Variants in MINK1 observed in about 807,000 individuals in gnomAD.
The protein encoded by MINK1 is misshapen-like kinase 1.
MINK1 carries 46 observed loss-of-function variants against 178.4 expected under a neutral mutation model. That is an observed-to-expected ratio of 0.26 (90% CI 0.20 to 0.33). The LOEUF is 0.33. MINK1 is among the 10% of genes least tolerant of loss of function. MINK1 has a pLI of 1.00. For missense variants in MINK1, 1,366 were observed against 1,814.9 expected (o/e 0.75, Z 4.49); for synonymous variants, 797 against 709.7 (o/e 1.12, Z -1.96).
At chr17:4,850,904 A>G (rs1286305560) in intron 1 of MINK1, 3 of 397,794 alleles carry the variant, frequency 7.5e-6, no homozygotes, top group Non-Finnish European at 1.5e-5. Context: ...CGGGCCTGGC[A>G]TCTCCTTTCT....
At chr17:4,876,451 G>T (rs1967192568) in intron 1 of MINK1, among the ~76,000 whole-genome samples, 1 of 152,242 alleles carries the variant, frequency 6.6e-6, no homozygotes, top group South Asian at 2.1e-4. Flanking sequence ...AAAGTGCACA[G>T]TGAGGACATT....
chr17:4,834,619 A>AT (rs75828101), intron 1 of MINK1, among the ~76,000 whole-genome samples: 12,979 of 152,198 alleles, frequency 0.085, 557 homozygotes, highest in Non-Finnish European at 0.095. Flanking sequence ...TTTCTGTAGC[A>AT]TTTATGTTTT....
intron 1 of MINK1, among the ~76,000 whole-genome samples, chr17:4,874,534 G>C (rs1966997870): frequency 6.6e-6 from 1 of 152,198 alleles, no homozygotes; most frequent in Admixed American, 6.5e-5. Flanking sequence ...TTCCAGGAGG[G>C]AGGACATGAG....
chr17:4,863,996 T>C (rs985823128), intron 1 of MINK1, among the ~76,000 whole-genome samples: 6 of 151,254 alleles, frequency 4.0e-5, no homozygotes, highest in African/African-American at 1.5e-4. Flanking sequence ...ACCATGTTGG[T>C]CAGGCTGCTC....
At chr17:4,852,557 G>C (rs1174588404) in intron 1 of MINK1, among the ~76,000 whole-genome samples, 2 of 150,974 alleles carry the variant, frequency 1.3e-5, no homozygotes, top group East Asian at 4.0e-4. Context: ...AAGGAACAGA[G>C]AGAAAGCCAC....
At chr17:4,835,034 A>G (rs1909091565) in intron 1 of MINK1, among the ~76,000 whole-genome samples, 1 of 152,118 alleles carries the variant, frequency 6.6e-6, no homozygotes, top group Non-Finnish European at 1.5e-5. Context: ...TGCTGGAGAT[A>G]ACGTGATAAA....
rs372453685 is a variant in MINK1 at position 4,890,936 on chromosome 17, C to T, written c.1567-15C>T. On this transcript the variant is annotated splice_polypyrimidine_tract_variant and intron_variant, in intron 14 of 31. Coordinates refer to ENST00000355280, the MANE Select transcript of MINK1 (RefSeq NM_153827.5). ...AGGCAAGAGCTGGCCTGCTTGACAT[C>T]CCTTCACATCACAGGTAGAAGAGAG... The T allele has an allele frequency of 3.2e-6, 5 of 1,552,754 alleles. No homozygotes were observed. Among genetic ancestry groups the T allele is most frequent in the Non-Finnish European group, 8.7e-7 (1 of 1,147,622 alleles).
intron 1 of MINK1, among the ~76,000 whole-genome samples, chr17:4,851,632 C>T (rs764887530): frequency 6.6e-6 from 1 of 152,108 alleles, no homozygotes; most frequent in Non-Finnish European, 1.5e-5. Flanking sequence ...CCCATTGTCT[C>T]CCGACCTCTT....
At position 4,895,852 on chromosome 17, in the gene MINK1, G is replaced by A. The variant is rs908736739; in HGVS notation, c.3364+20G>A. 1 of 1,611,740 alleles carries A rather than the reference G, an allele frequency of 6.2e-7. No homozygotes were observed. Among genetic ancestry groups the A allele is most frequent in the African/African-American group, 1.3e-5 (1 of 74,896 alleles). On this transcript the variant is annotated intron_variant, in intron 27 of 31. Coordinates refer to ENST00000355280, the MANE Select transcript of MINK1 (RefSeq NM_153827.5). This position sits in a 1 kb window ranked among gnomAD's most constrained non-coding sequence, Gnocchi z 4.3. ...GTGTTGGTGAGGATGTCCCAACAGA[G>A]TGGCCAGCGCATACTTGTTCATGAA...
At chr17:4,868,873 C>T (rs1915432236) in intron 1 of MINK1, 2 of 318,208 alleles carry the variant, frequency 6.3e-6, no homozygotes, top group Admixed American at 3.8e-5. Flanking sequence ...CCTCAGCCTC[C>T]TAAGTAGCTG....
intron 1 of MINK1, among the ~76,000 whole-genome samples, chr17:4,848,568 G>A (rs1203740505): frequency 2.0e-5 from 3 of 152,214 alleles, no homozygotes; most frequent in African/African-American, 7.2e-5. Flanking sequence ...CACCGTGTTA[G>A]CCAGGATGGT....
Position 4,885,669 on chromosome 17 carries a change from G to T in MINK1, c.639+56G>T. 7 of 1,606,184 alleles carry T rather than the reference G, an allele frequency of 4.4e-6. No homozygotes were observed. The highest frequency in any genetic ancestry group is 8.5e-7 in the Non-Finnish European group (1 of 1,174,910). On this transcript the variant is annotated intron_variant, in intron 7 of 31. Coordinates refer to ENST00000355280, the MANE Select transcript of MINK1 (RefSeq NM_153827.5). This position sits in a 1 kb window ranked among gnomAD's most constrained non-coding sequence, Gnocchi z 5.0. ...CTGCCAAGGGCGGGAAGCAATATGG[G>T]GACCACGGGGCCTGAGCAGGCTGGG... is the stretch of plus-strand genomic sequence containing the variant.
intron 1 of MINK1, among the ~76,000 whole-genome samples, chr17:4,851,345 A>C (rs8068188): frequency 0.77 from 117,105 of 152,048 alleles, 46,428 homozygotes; most frequent in Non-Finnish European, 0.84. Context: ...GAAGAGTCAG[A>C]ACCAGTGCCC....
At chr17:4,859,071 C>T (rs1447981029) in intron 1 of MINK1, 2 of 948,400 alleles carry the variant, frequency 2.1e-6, no homozygotes, top group Non-Finnish European at 1.3e-6. Context: ...GGGAACAGCA[C>T]TGGCTCTAGC....
Position 4,895,922 on chromosome 17 carries a change from G to A in MINK1, c.3365-81G>A. Reference sequence around the variant, plus strand: ...GCCAGGGACTTGGGGCCTGGGTGGGGCAGTGTAGTGACAGACCACGGGGAG... The same window carrying A: ...GCCAGGGACTTGGGGCCTGGGTGGGACAGTGTAGTGACAGACCACGGGGAG... On this transcript the variant is annotated intron_variant, in intron 27 of 31. Coordinates refer to ENST00000355280, the MANE Select transcript of MINK1 (RefSeq NM_153827.5). The surrounding 1 kb of genome is among the most constrained non-coding windows in gnomAD (Gnocchi z 4.3). The A allele has an allele frequency of 6.4e-7, 1 of 1,572,500 alleles. No homozygotes were observed. The highest frequency in any genetic ancestry group is 1.2e-5 in the South Asian group (1 of 86,078).
In MINK1 at chr17:4,892,134, G is replaced by C. The variant is rs536864021; in HGVS notation, c.2002-15G>C. The C allele has an allele frequency of 1.2e-4, 193 of 1,581,636 alleles. No homozygotes were observed. The highest frequency in any genetic ancestry group is 7.3e-5 in the Non-Finnish European group (85 of 1,163,722). On this transcript the variant is annotated splice_polypyrimidine_tract_variant and intron_variant, in intron 16 of 31. Coordinates refer to ENST00000355280, the MANE Select transcript of MINK1 (RefSeq NM_153827.5). ...TCGCAGCGCCAGCTCGCAGCACGTGGACTTCTCTCCACAGGTGCCTCAGAG... is the reference window on the plus strand; with the variant it reads ...TCGCAGCGCCAGCTCGCAGCACGTGCACTTCTCTCCACAGGTGCCTCAGAG...
At chr17:4,889,413 C>A (rs145907581) in intron 12 of MINK1, among the ~76,000 whole-genome samples, 100 of 152,218 alleles carry the variant, frequency 6.6e-4, no homozygotes, top group African/African-American at 2.3e-3. Context: ...TAAGCCCACC[C>A]CACAGGCAGC....
Position 4,891,719 on chromosome 17 carries a change from A to G in MINK1, c.2001+3A>G. On this transcript the variant is annotated splice_donor_region_variant and intron_variant, in intron 16 of 31. Transcript: ENST00000355280. The stretch of plus-strand genomic sequence containing the variant: ...CAGATAACGAGGCCCCACCCAAGGT[A>G]AGGACAGTTCTGCAGGCCCAGGGAA... The G allele has an allele frequency of 6.2e-7, 1 of 1,600,618 alleles. No homozygotes were observed. Among genetic ancestry groups the G allele is most frequent in the Non-Finnish European group, 8.5e-7 (1 of 1,173,932 alleles).
intron 1 of MINK1, among the ~76,000 whole-genome samples, chr17:4,863,628 C>G (rs1395042691): frequency 6.6e-6 from 1 of 152,064 alleles, no homozygotes; most frequent in Non-Finnish European, 1.5e-5. Flanking sequence ...CACTTCCTAG[C>G]CTGGGCAAGT....
Sources: allele counts gnomAD v4.1 joint callset (sites outside exome capture counted in the v4.1 genomes callset), GRCh38; gene constraint gnomAD v4.1.1; non-coding constraint Gnocchi (gnomAD v3.1); transcripts MANE v1.5; gene names NCBI Gene and HGNC (gene_info 2026-07-23, HGNC 2026-07-21).